The following HERC4 variants were observed in gnomAD, a reference collection of about 807,000 sequenced individuals.
HERC4 encodes HECT and RLD domain containing E3 ubiquitin protein ligase 4, also known as probable E3 ubiquitin-protein ligase HERC4.
Under a neutral mutation model 124.3 loss-of-function variants are expected in HERC4, and 28 were observed. The observed-to-expected ratio is 0.23, with a 90% CI of 0.17 to 0.31. The LOEUF is 0.31. Ranked by LOEUF, HERC4 falls within the 10% of genes least tolerant of loss-of-function variation. HERC4 has a pLI of 1.00. For synonymous variants in HERC4, 407 were observed against 421.5 expected (o/e 0.97, Z 0.42); for missense variants, 713 against 1,229.3 (o/e 0.58, Z 6.28).
At chr10:67,997,106 T>C (rs1428947157) in intron 9 of HERC4, among the ~76,000 whole-genome samples, 2 of 152,144 alleles carry the variant, frequency 1.3e-5, no homozygotes, top group East Asian at 1.9e-4. Context: ...TAACTAAAGA[T>C]ACAACTGGGG....
intron 23 of HERC4, among the ~76,000 whole-genome samples, chr10:67,930,530 C>T (rs1256315418): frequency 6.6e-6 from 1 of 152,138 alleles, no homozygotes; most frequent in Admixed American, 6.5e-5. Context: ...GTATCCCCAT[C>T]GGCAACATAT....
At chr10:68,011,410 C>T (rs769589474) in intron 9 of HERC4, among the ~76,000 whole-genome samples, 24 of 152,172 alleles carry the variant, frequency 1.6e-4, no homozygotes, top group Non-Finnish European at 3.2e-4. Context: ...TACAGCCTTA[C>T]GAAATGTATT....
At chr10:67,936,045 A>T in intron 22 of HERC4, 108 bp downstream of exon 22, 1 of 631,350 alleles carries the variant, frequency 1.6e-6, no homozygotes, top group Non-Finnish European at 2.7e-6. Flanking sequence ...ACTCAAAATT[A>T]AAGTTTTATT....
intron 15 of HERC4, among the ~76,000 whole-genome samples, chr10:67,976,868 C>T (rs955841389): frequency 1.3e-5 from 2 of 152,308 alleles, no homozygotes; most frequent in East Asian, 3.9e-4. Flanking sequence ...CAGCCCTAGC[C>T]AGAGGGGAAC....
At position 67,922,994 on chromosome 10, in the gene HERC4, T is replaced by C; in HGVS notation, c.3087A>G (p.Lys1029=). Reference sequence around the variant, plus strand: ...GGATCAGTTTAGAGCGTAGAGTTTCTTTTTCTGTATATTTTGGAAGATCCA... The same window carrying C: ...GGATCAGTTTAGAGCGTAGAGTTTCCTTTTCTGTATATTTTGGAAGATCCA... ...NLLDLPKYTE[K]ETLRSKLIQA... The change falls in exon 25 of 25, where the codon AAA becomes AAG. Residue 1029 remains lysine, a synonymous_variant. Transcript: ENST00000373700. 1 of 1,613,822 alleles carries C rather than the reference T, an allele frequency of 6.2e-7. No homozygotes were observed. Among genetic ancestry groups the C allele is most frequent in the African/African-American group, 1.3e-5 (1 of 75,034 alleles).
At chr10:67,930,956 A>G (rs144193308) in intron 23 of HERC4, among the ~76,000 whole-genome samples, 389 of 152,264 alleles carry the variant, frequency 2.6e-3, no homozygotes, top group African/African-American at 9.1e-3. Context: ...CTGGGATTAC[A>G]GGCATGAGAC....
intron 15 of HERC4, among the ~76,000 whole-genome samples, chr10:67,974,154 C>G: frequency 6.9e-6 from 1 of 145,234 alleles, no homozygotes. Flanking sequence ...GACAACCTTT[C>G]TTAGTTGAAA....
At chr10:67,965,169 G>A (rs781757559) in intron 16 of HERC4, 4 of 152,088 alleles carry the variant, frequency 2.6e-5, no homozygotes, top group Admixed American at 6.6e-5. Flanking sequence ...TCTCTGCCCT[G>A]ATCTTAAAGG....
intron 9 of HERC4, among the ~76,000 whole-genome samples, chr10:68,012,749 G>A (rs763019424): frequency 7.9e-5 from 12 of 152,084 alleles, no homozygotes; most frequent in Non-Finnish European, 1.5e-4. Context: ...TGGAAAAATG[G>A]TGCCAACTGA....
In HERC4 at chr10:68,035,355, AC is replaced by A. The variant is rs200895506; in HGVS notation, c.464-1170del. 4.2e-3 allele frequency among the ~76,000 whole-genome samples: 639 copies of A among 152,116 alleles called. 5 individuals are homozygous for A. The highest frequency in any genetic ancestry group is 0.014 in the African/African-American group (588 of 41,490). On this transcript the variant is annotated intron_variant, in intron 5 of 24. Coordinates refer to ENST00000373700, the MANE Select transcript of HERC4 (RefSeq NM_015601.4). ...ATATTTTTAGTAGAGGCAGGGTTTCACCATGGTGGCGAGGCTGGTCTCGAAC... is the reference window on the plus strand; with the variant it reads ...ATATTTTTAGTAGAGGCAGGGTTTCACATGGTGGCGAGGCTGGTCTCGAAC...
At chr10:68,040,188 A>T (rs553448076) in intron 4 of HERC4, 2 of 982,564 alleles carry the variant, frequency 2.0e-6, no homozygotes, top group Admixed American at 6.1e-5. Flanking sequence ...TTGCATAGCA[A>T]TTTATACTCA....
rs1001221631 is a variant in HERC4 at position 68,040,963 on chromosome 10, T to TAC, written c.387-2796_387-2795dup. ...AAATTTTGTAAATTAAAAAAATATA[T>TAC]ACACACACACACATTGGAGATAAGA... is the stretch of plus-strand genomic sequence containing the variant. On this transcript the variant is annotated intron_variant, in intron 4 of 24. Coordinates refer to ENST00000373700, the MANE Select transcript of HERC4 (RefSeq NM_015601.4). Among the ~76,000 whole-genome samples, 7 of 151,082 alleles carry TAC rather than the reference T, an allele frequency of 4.6e-5. No individual in the cohort carries two copies. The South Asian group carries it at 8.4e-4, about 18-fold the overall frequency.
At chr10:68,063,467 C>CA (rs757842724) in intron 3 of HERC4, among the ~76,000 whole-genome samples, 1 of 152,122 alleles carries the variant, frequency 6.6e-6, no homozygotes, top group Non-Finnish European at 1.5e-5. Context: ...GTCAGCCTCC[C>CA]AAAGTGCTGT....
intron 3 of HERC4, among the ~76,000 whole-genome samples, chr10:68,053,448 C>T (rs994321438): frequency 6.6e-6 from 1 of 151,936 alleles, no homozygotes; most frequent in Non-Finnish European, 1.5e-5. Context: ...GGACCACGGA[C>T]ATGAGCTACC....
chr10:67,998,448 G>A (rs1489286469), intron 9 of HERC4, among the ~76,000 whole-genome samples: 1 of 150,262 alleles, frequency 6.7e-6, no homozygotes, highest in African/African-American at 2.4e-5. Context: ...TCAGGAGGCT[G>A]AGGCAGGAGA....
intron 14 of HERC4, 32 bp from the exon 15 acceptor site, chr10:67,988,867 TG>T (rs762377484): frequency 1.3e-6 from 2 of 1,538,366 alleles, no homozygotes; most frequent in African/African-American, 2.8e-5. Context: ...GCAAATAAAA[TG>T]AATTTTTTAA....
At chr10:68,018,048 C>T (rs765647668) in intron 8 of HERC4, among the ~76,000 whole-genome samples, 4 of 151,738 alleles carry the variant, frequency 2.6e-5, no homozygotes, top group Non-Finnish European at 5.9e-5. Context: ...GACTAGAAAA[C>T]CTTCATAATA....
chr10:67,978,668 C>A (rs1240954353), intron 15 of HERC4, among the ~76,000 whole-genome samples: 1 of 152,170 alleles, frequency 6.6e-6, no homozygotes, highest in Non-Finnish European at 1.5e-5. Flanking sequence ...TGGGTGAGAC[C>A]CAGTGCTGTG....
intron 15 of HERC4, among the ~76,000 whole-genome samples, chr10:67,982,759 A>G (rs1259202369): frequency 1.3e-5 from 2 of 152,198 alleles, no homozygotes; most frequent in East Asian, 3.8e-4. Flanking sequence ...AATTCTATAG[A>G]AAAAAATGCA....
Sources: gnomAD v4.1 joint callset for allele counts (sites outside exome capture counted in the v4.1 genomes callset) on GRCh38, gnomAD v4.1.1 for gene constraint, MANE v1.5 for transcripts, NCBI Gene and HGNC (gene_info 2026-07-23, HGNC 2026-07-21) for gene names.